NRXN1: variants seen among roughly 807,000 people sequenced by gnomAD.
NRXN1 encodes the protein neurexin-1.
In NRXN1, 39 loss-of-function variants were observed where a neutral mutation model predicts 150.9. That is an observed-to-expected ratio of 0.26 (90% CI 0.20 to 0.34). NRXN1 has a LOEUF of 0.34. NRXN1 is among the 10% of genes least tolerant of loss of function. The probability of loss-of-function intolerance (pLI) is 1.00; values close to 1 mark genes in which losing one functional copy is unlikely to be tolerated. For synonymous variants in NRXN1, 924 were observed against 757.0 expected (o/e 1.22, Z -3.62); for missense variants, 1,815 against 1,949.9 (o/e 0.93, Z 1.30).
chr2:50,450,095 G>A (rs1446529159), intron 17 of NRXN1, among the ~76,000 whole-genome samples: 1 of 152,126 alleles, frequency 6.6e-6, no homozygotes, highest in Admixed American at 6.6e-5. Context: ...AGTACCTATT[G>A]TTATAGAAGG....
chr2:50,468,666 T>A (rs1488815595), intron 16 of NRXN1, among the ~76,000 whole-genome samples: 2 of 150,962 alleles, frequency 1.3e-5, no homozygotes, highest in Non-Finnish European at 3.0e-5. Flanking sequence ...ACAAAAGAGG[T>A]TAGGTGTCTC....
chr2:50,875,860 T>C (rs1678511928), intron 5 of NRXN1, among the ~76,000 whole-genome samples: 1 of 151,846 alleles, frequency 6.6e-6, no homozygotes, highest in African/African-American at 2.4e-5. Flanking sequence ...CACATTGCAC[T>C]GTCAGCCCAA....
At chr2:50,331,793 G>A (rs1005001648) in intron 17 of NRXN1, among the ~76,000 whole-genome samples, 1 of 152,172 alleles carries the variant, frequency 6.6e-6, no homozygotes, top group Non-Finnish European at 1.5e-5. Flanking sequence ...CTGGAGGCTT[G>A]CAAAGATCTT....
At chr2:50,535,864 GT>G (rs1254882625) in intron 10 of NRXN1, among the ~76,000 whole-genome samples, 3 of 152,030 alleles carry the variant, frequency 2.0e-5, no homozygotes, top group Non-Finnish European at 4.4e-5. Context: ...AGCTGAACAT[GT>G]TTTTTAATTA....
At chr2:50,828,434 G>C (rs1473057768) in intron 5 of NRXN1, among the ~76,000 whole-genome samples, 2 of 151,678 alleles carry the variant, frequency 1.3e-5, no homozygotes, top group Admixed American at 6.5e-5. Context: ...TTCTCAGACG[G>C]GGCGGCTGCC....
chr2:50,441,829 T>C (rs1243334745), intron 17 of NRXN1, among the ~76,000 whole-genome samples: 1 of 152,192 alleles, frequency 6.6e-6, no homozygotes, highest in Non-Finnish European at 1.5e-5. Context: ...TGGTCATCCA[T>C]CAGCATCTGA....
chr2:50,259,364 CA>C (rs1266707202), intron 17 of NRXN1, among the ~76,000 whole-genome samples: 3 of 151,802 alleles, frequency 2.0e-5, no homozygotes, highest in Admixed American at 1.3e-4. Context: ...GCCATTCACT[CA>C]GATAGGAAAC....
chr2:50,923,137 A>G (rs1201513189), intron 3 of NRXN1, among the ~76,000 whole-genome samples: 5 of 151,896 alleles, frequency 3.3e-5, no homozygotes, highest in African/African-American at 1.2e-4. Flanking sequence ...TCATCAAAAA[A>G]TGAGCATTTT....
chr2:50,947,881 A>G (rs1690657234), intron 2 of NRXN1, among the ~76,000 whole-genome samples: 1 of 151,978 alleles, frequency 6.6e-6, no homozygotes, highest in South Asian at 2.1e-4. Context: ...CATCACGCTG[A>G]GTATCAATTT....
chr2:50,918,590 T>C (rs1685549448), intron 5 of NRXN1: 1 of 373,424 alleles, frequency 2.7e-6, no homozygotes, highest in Non-Finnish European at 4.8e-6. Context: ...TATAACATAT[T>C]TTGACTTTTT....
In NRXN1 at chr2:50,925,816, C is replaced by T. The variant is rs1686779246; in HGVS notation, c.790+122G>A. The stretch of plus-strand genomic sequence containing the variant: ...TTCTGTATGAAAAGTGATACACAAT[C>T]CAGAAACCAACAAATGTTCAGAAAG... On this transcript the variant is annotated intron_variant, in intron 3 of 22. Transcript: ENST00000401669. 7.8e-6 allele frequency: 6 copies of T among 766,606 alleles called. No individual in the cohort carries two copies. In the South Asian group the frequency reaches 8.0e-5, roughly 10 times the overall value. The allele number at this position is 766,606 out of a possible 1,614,324, so 47.5% of individuals were successfully genotyped here.
chr2:50,809,800 C>G (rs965333775), intron 5 of NRXN1, among the ~76,000 whole-genome samples: 3 of 152,212 alleles, frequency 2.0e-5, no homozygotes, highest in South Asian at 2.1e-4. Context: ...TGTCAGATGG[C>G]AATGGTTTGA....
chr2:50,497,783 A>T, intron 13 of NRXN1, 69 bp from the exon 14 acceptor site: 1 of 1,414,424 alleles, frequency 7.1e-7, no homozygotes, highest in Non-Finnish European at 9.6e-7. Context: ...GGCTTTCATA[A>T]CAATATCACA....
At chr2:50,439,209 G>C (rs1572974801) in intron 17 of NRXN1, among the ~76,000 whole-genome samples, 1 of 152,188 alleles carries the variant, frequency 6.6e-6, no homozygotes, top group African/African-American at 2.4e-5. Flanking sequence ...TTGTAGCTAG[G>C]TTGCTGGGTA....
chr2:50,216,137 C>T (rs2063382354), intron 18 of NRXN1, among the ~76,000 whole-genome samples: 1 of 151,972 alleles, frequency 6.6e-6, no homozygotes, highest in Non-Finnish European at 1.5e-5. Flanking sequence ...AGGAAGAATG[C>T]TGGATGCCAG....
At chr2:50,850,196 C>T (rs1425833102) in intron 5 of NRXN1, among the ~76,000 whole-genome samples, 2 of 150,702 alleles carry the variant, frequency 1.3e-5, no homozygotes, top group African/African-American at 4.9e-5. Flanking sequence ...GCACTGCACT[C>T]CAGCCTGGGC....
intron 5 of NRXN1, among the ~76,000 whole-genome samples, chr2:50,766,987 C>T (rs568999629): frequency 4.2e-4 from 64 of 152,156 alleles, no homozygotes; most frequent in African/African-American, 1.2e-3. Context: ...CTAGAATTAA[C>T]GAAATACCTT....
intron 5 of NRXN1, among the ~76,000 whole-genome samples, chr2:50,685,227 TC>T (rs1321912276): frequency 6.6e-6 from 1 of 152,208 alleles, no homozygotes; most frequent in Non-Finnish European, 1.5e-5. Flanking sequence ...CGCCTGTTTT[TC>T]TTTTGCTCTG....
At chr2:50,407,333 T>C (rs189474284) in intron 17 of NRXN1, among the ~76,000 whole-genome samples, 1 of 152,268 alleles carries the variant, frequency 6.6e-6, no homozygotes, top group East Asian at 1.9e-4. Flanking sequence ...TACTTTTCTG[T>C]TCAAAATGAA....
Sources: allele counts gnomAD v4.1 joint callset (sites outside exome capture counted in the v4.1 genomes callset), GRCh38; gene constraint gnomAD v4.1.1; transcripts MANE v1.5; gene names NCBI Gene and HGNC (gene_info 2026-07-23, HGNC 2026-07-21).